Variants in CACNA1C observed in about 807,000 individuals in gnomAD.
The protein encoded by CACNA1C is voltage-dependent L-type calcium channel subunit alpha-1C.
CACNA1C carries 30 observed loss-of-function variants against 229.0 expected under a neutral mutation model. The ratio of observed to expected loss-of-function variants is 0.13; its 90% CI spans 0.10 to 0.18. CACNA1C has a LOEUF of 0.18. Among genes scored for constraint, CACNA1C ranks in the 10% least tolerant of loss-of-function variants. The pLI, the probability that CACNA1C is intolerant of heterozygous loss-of-function variation, is 1.00. For missense variants in CACNA1C, 1,658 were observed against 2,845.0 expected (o/e 0.58, Z 9.49); for synonymous variants, 1,114 against 1,132.5 (o/e 0.98, Z 0.33).
At chr12:2,282,625 G>A (rs925889415) in intron 3 of CACNA1C, among the ~76,000 whole-genome samples, 6 of 152,178 alleles carry the variant, frequency 3.9e-5, no homozygotes, top group African/African-American at 1.4e-4. Context: ...TGAATGAGTG[G>A]TCAGGTACAG....
chr12:2,217,244 G>T (rs1343243942), intron 3 of CACNA1C, among the ~76,000 whole-genome samples: 1 of 152,190 alleles, frequency 6.6e-6, no homozygotes, highest in Non-Finnish European at 1.5e-5. Context: ...TGGTTGCCAG[G>T]GGCTGGTGCA....
intron 3 of CACNA1C, among the ~76,000 whole-genome samples, chr12:2,427,579 G>T (rs1481534481): frequency 1.3e-5 from 2 of 152,040 alleles, no homozygotes; most frequent in African/African-American, 4.8e-5. Flanking sequence ...GCTGGGCCGA[G>T]AATGGCTAGC....
chr12:2,665,533 TG>T lies in CACNA1C; in HGVS notation c.4399-47del. Reference sequence around the variant, plus strand: ...CTGGCAAGGGGGTTCCAGAGGCAGGTGTGTAGGAAGGTCTTCTCACAGCACC... The same window carrying T: ...CTGGCAAGGGGGTTCCAGAGGCAGGTTGTAGGAAGGTCTTCTCACAGCACC... On this transcript the variant is annotated intron_variant, in intron 35 of 46. Coordinates refer to ENST00000399655, the MANE Select transcript of CACNA1C (RefSeq NM_000719.7). The surrounding 1 kb of genome is among the most constrained non-coding windows in gnomAD (Gnocchi z 5.9). The T allele has an allele frequency of 6.2e-7, 1 of 1,604,176 alleles. No homozygotes were observed. The highest frequency in any genetic ancestry group is 2.2e-5 in the East Asian group (1 of 44,460).
intron 1 of CACNA1C, among the ~76,000 whole-genome samples, chr12:1,975,596 C>G (rs2034084868): frequency 6.6e-6 from 1 of 152,128 alleles, no homozygotes. Context: ...CCATGCTAAA[C>G]TGGGCTCTCT....
chr12:2,516,718 G>T (rs1440601910), intron 9 of CACNA1C, among the ~76,000 whole-genome samples: 1 of 152,180 alleles, frequency 6.6e-6, no homozygotes, highest in Non-Finnish European at 1.5e-5. Flanking sequence ...AGAGGAACGG[G>T]TGTCAGGGCA....
chr12:1,997,481 C>G (rs899770972), intron 1 of CACNA1C, among the ~76,000 whole-genome samples: 1 of 152,148 alleles, frequency 6.6e-6, no homozygotes, highest in Admixed American at 6.5e-5. Context: ...GAGCTGTGAT[C>G]GTGCCACTGC....
rs1265758265 is a variant in CACNA1C at position 2,695,570 on chromosome 12, C to A, written c.*4371C>A. On this transcript the variant is annotated 3_prime_UTR_variant, in exon 47 of 47. Coordinates refer to ENST00000399655, the MANE Select transcript of CACNA1C (RefSeq NM_000719.7). ...GATTTGAGGAGGTTGAGGGGGAAGA[C>A]AGGAGGGAAAGAAAAGTCCTACAAC... 1 of 152,298 alleles carries A rather than the reference C, an allele frequency of 6.6e-6. No homozygotes were observed. The highest frequency in any genetic ancestry group is 1.9e-4 in the East Asian group (1 of 5,192). The allele number at this position is 152,298 out of a possible 1,614,324, so 9.4% of individuals were successfully genotyped here. A position where few individuals can be genotyped will look rare whatever the true frequency, so the allele number is the denominator to read the frequency against.
intron 4 of CACNA1C, among the ~76,000 whole-genome samples, chr12:2,453,532 A>G (rs1441744059): frequency 1.3e-5 from 2 of 152,236 alleles, no homozygotes; most frequent in African/African-American, 4.8e-5. Context: ...AAGGACAGAA[A>G]TCACCCTGCA....
chr12:2,260,475 TAAA>T (rs549203538), intron 3 of CACNA1C, among the ~76,000 whole-genome samples: 76 of 100,970 alleles, frequency 7.5e-4, no homozygotes, highest in African/African-American at 2.6e-3. Context: ...CTGTCTCTAT[TAAA>T]AAAAAAAAAA....
At chr12:2,195,003 C>A (rs1459324154) in intron 3 of CACNA1C, among the ~76,000 whole-genome samples, 1 of 152,152 alleles carries the variant, frequency 6.6e-6, no homozygotes, top group Non-Finnish European at 1.5e-5. Flanking sequence ...AAGTTTCAAG[C>A]TACTAAAATA....
chr12:2,392,019 T>G (rs1002245002), intron 3 of CACNA1C, among the ~76,000 whole-genome samples: 1 of 152,192 alleles, frequency 6.6e-6, no homozygotes, highest in African/African-American at 2.4e-5. Context: ...TTTCACCATC[T>G]TCCTAATTCT....
At chr12:2,377,803 T>G (rs1057407595) in intron 3 of CACNA1C, among the ~76,000 whole-genome samples, 7 of 152,228 alleles carry the variant, frequency 4.6e-5, no homozygotes, top group Admixed American at 6.5e-5. Flanking sequence ...TGAGTCCGCC[T>G]GGCTCCTGGA....
At chr12:2,207,768 T>C (rs1744847371) in intron 3 of CACNA1C, among the ~76,000 whole-genome samples, 2 of 151,878 alleles carry the variant, frequency 1.3e-5, no homozygotes, top group African/African-American at 4.8e-5. Flanking sequence ...GAGCTGAGAG[T>C]TGAGATCGTG....
chr12:2,141,757 T>C (rs1392901121), intron 3 of CACNA1C, among the ~76,000 whole-genome samples: 1 of 151,324 alleles, frequency 6.6e-6, no homozygotes, highest in Non-Finnish European at 1.5e-5. Flanking sequence ...TGGAGACAGC[T>C]GTGGACACCC....
intron 3 of CACNA1C, among the ~76,000 whole-genome samples, chr12:2,210,828 G>T (rs1190838798): frequency 2.0e-5 from 3 of 152,070 alleles, no homozygotes; most frequent in Non-Finnish European, 4.4e-5. Context: ...CTGTATTTGG[G>T]GGCAGATTGA....
chr12:1,989,359 G>C (rs1458572651), intron 1 of CACNA1C, among the ~76,000 whole-genome samples: 2 of 151,534 alleles, frequency 1.3e-5, no homozygotes, highest in African/African-American at 4.9e-5. Context: ...GCAGGAGCAG[G>C]AGCAGGAGCA....
chr12:2,565,983 A>C (rs1051787114), intron 11 of CACNA1C, among the ~76,000 whole-genome samples: 4 of 152,176 alleles, frequency 2.6e-5, no homozygotes, highest in African/African-American at 9.7e-5. Flanking sequence ...GAGTTACTGA[A>C]AGAATTGGAG....
chr12:2,219,870 A>G (rs1227853601), intron 3 of CACNA1C, among the ~76,000 whole-genome samples: 1 of 152,086 alleles, frequency 6.6e-6, no homozygotes, highest in East Asian at 1.9e-4. Context: ...GGAGGCCTGG[A>G]GTCTGGAGGC....
intron 3 of CACNA1C, among the ~76,000 whole-genome samples, chr12:2,382,043 C>G (rs1272734604): frequency 6.6e-6 from 1 of 152,224 alleles, no homozygotes; most frequent in African/African-American, 2.4e-5. Flanking sequence ...CAAACATTCC[C>G]TTCTTAAACT....
Sources: gnomAD v4.1 joint callset for allele counts (sites outside exome capture counted in the v4.1 genomes callset) on GRCh38, gnomAD v4.1.1 for gene constraint, Gnocchi (gnomAD v3.1) non-coding constraint, MANE v1.5 for transcripts, NCBI Gene and HGNC (gene_info 2026-07-23, HGNC 2026-07-21) for gene names.